The following MARK3 variants were observed in gnomAD, a reference collection of about 807,000 sequenced individuals.
MARK3 encodes the protein microtubule affinity regulating kinase 3.
Under a neutral mutation model 90.1 loss-of-function variants are expected in MARK3, and 46 were observed. That is an observed-to-expected ratio of 0.51 (90% confidence interval 0.40 to 0.65). The LOEUF (loss-of-function observed/expected upper bound fraction) is 0.65. Ranked by LOEUF, MARK3 falls within the 30% of genes least tolerant of loss-of-function variation. MARK3 has a pLI of 0.00. For missense variants in MARK3, 818 were observed against 947.2 expected (o/e 0.86, Z 1.79); for synonymous variants, 321 against 332.6 (o/e 0.97, Z 0.38).
At chr14:103,439,174 G>T (rs147530426) in intron 3 of MARK3, among the ~76,000 whole-genome samples, 6 of 152,140 alleles carry the variant, frequency 3.9e-5, no homozygotes, top group African/African-American at 1.4e-4. Flanking sequence ...TATATGAGAT[G>T]AGCACCCTTA....
intron 1 of MARK3, among the ~76,000 whole-genome samples, chr14:103,401,584 G>T (rs1354663321): frequency 6.6e-6 from 1 of 152,168 alleles, no homozygotes; most frequent in East Asian, 1.9e-4. Flanking sequence ...AAAACACAGG[G>T]CTGGAGAGTT....
chr14:103,420,941 A>G (rs916525096), intron 2 of MARK3, among the ~76,000 whole-genome samples: 1 of 151,756 alleles, frequency 6.6e-6, no homozygotes, highest in Non-Finnish European at 1.5e-5. Flanking sequence ...TGATTTTGCC[A>G]TTTAAAATGG....
At chr14:103,433,924 C>CGAAA (rs1328439712) in intron 3 of MARK3, among the ~76,000 whole-genome samples, 1 of 152,178 alleles carries the variant, frequency 6.6e-6, no homozygotes, top group Non-Finnish European at 1.5e-5. Flanking sequence ...CAGGCTTTCA[C>CGAAA]CTAGGTAAGA....
At chr14:103,432,914 T>G (rs72708874) in intron 3 of MARK3, among the ~76,000 whole-genome samples, 39,240 of 151,872 alleles carry the variant, frequency 0.26, 6,279 homozygotes, top group Middle Eastern at 0.44. Flanking sequence ...TTCCTTTTTT[T>G]TGTAAGGCAG....
chr14:103,470,394 A>C (rs1369530155), intron 12 of MARK3, among the ~76,000 whole-genome samples: 2 of 150,154 alleles, frequency 1.3e-5, no homozygotes, highest in African/African-American at 4.9e-5. Flanking sequence ...CATAACTATA[A>C]ATGTTAACAT....
intron 1 of MARK3, among the ~76,000 whole-genome samples, chr14:103,403,684 C>T (rs901383738): frequency 2.6e-5 from 4 of 152,214 alleles, no homozygotes; most frequent in Admixed American, 2.0e-4. Context: ...TGCATTACAA[C>T]AGCATGCATC....
intron 1 of MARK3, among the ~76,000 whole-genome samples, chr14:103,389,235 G>A (rs1373503737): frequency 6.6e-6 from 1 of 151,672 alleles, no homozygotes; most frequent in African/African-American, 2.4e-5. Context: ...GTGGTGGCAG[G>A]CACCTGTAGT....
chr14:103,457,730 T>A (rs1056426716), intron 6 of MARK3, among the ~76,000 whole-genome samples: 1 of 152,212 alleles, frequency 6.6e-6, no homozygotes, highest in African/African-American at 2.4e-5. Context: ...TTAATAATAA[T>A]TACTGTTATC....
chr14:103,405,183 C>T lies in MARK3; in HGVS notation c.159C>T (p.Ile53=), dbSNP rs765933874. 8.5e-5 allele frequency: 136 copies of T among 1,600,390 alleles called. No homozygotes were observed. The highest frequency in any genetic ancestry group is 9.9e-5 in the Non-Finnish European group (117 of 1,176,196). ...IASCADEQPH[I]GNYRLLKTIG... ...CCTGTGCAGATGAACAACCTCACAT[C>T]GGAAACTACAGACTGTTGAAAACAA... Residue 53 remains isoleucine, a synonymous_variant, in exon 2 of 18, where the codon ATC becomes ATT. Coordinates refer to ENST00000429436, the MANE Select transcript of MARK3 (RefSeq NM_001128918.3).
intron 3 of MARK3, among the ~76,000 whole-genome samples, chr14:103,440,935 T>TA (rs35047818): frequency 0.33 from 42,533 of 130,230 alleles, 7,400 homozygotes; most frequent in Admixed American, 0.43. Flanking sequence ...GAGCCCCTCT[T>TA]AAAAAAAAAA....
Position 103,485,696 on chromosome 14 carries a change from GCCTAT to G in MARK3, c.1586+5210_1586+5214del, listed in dbSNP as rs142749069. On this transcript the variant is annotated intron_variant, in intron 14 of 17. Transcript: ENST00000429436. The stretch of plus-strand genomic sequence containing the variant: ...GAGGTCATAGCAACAAATTCAAAGT[GCCTAT>G]CCTTTAGTAACCTTAAGTGGATTAA... 1.0e-3 allele frequency among the ~76,000 whole-genome samples: 156 copies of G among 152,160 alleles called. 5 individuals carry two copies. The East Asian group carries it at 0.026, about 25-fold the overall frequency.
chr14:103,473,668 A>G (rs1322167908), intron 12 of MARK3, among the ~76,000 whole-genome samples: 1 of 152,158 alleles, frequency 6.6e-6, no homozygotes, highest in African/African-American at 2.4e-5. Context: ...TAGGTTTGCC[A>G]TTTAGATTTT....
chr14:103,471,448 A>G (rs573119084), intron 12 of MARK3, among the ~76,000 whole-genome samples: 101 of 152,376 alleles, frequency 6.6e-4, no homozygotes, highest in African/African-American at 2.4e-3. Flanking sequence ...GGCAGAGCTC[A>G]GGCCTGCTGG....
intron 6 of MARK3, among the ~76,000 whole-genome samples, chr14:103,460,073 C>CTTTTTTTTTCTTTTTTTTTTTTTTTTTT (rs2093365176): frequency 2.4e-5 from 1 of 41,704 alleles, no homozygotes; most frequent in Non-Finnish European, 3.9e-5. Flanking sequence ...CCAGCTCCAT[C>CTTTTTTTTTCTTTTTTTTTTTTTTTTTT]TTTTTTTTTT....
rs868628780 is a variant in MARK3 at position 103,474,052 on chromosome 14, C to T, written c.1265-941C>T. Among the ~76,000 whole-genome samples the T allele has an allele frequency of 1.1e-3, 151 of 137,688 alleles. 7 individuals carry two copies. In the East Asian group the frequency reaches 0.028, roughly 25 times the overall value. The allele number at this position is 137,688 out of a possible 152,430, so 90.3% of individuals were successfully genotyped here. A position where few individuals can be genotyped will look rare whatever the true frequency, so the allele number is the denominator to read the frequency against. ...TCTACTAAAAAAAAAAAAATATATACAAAAAAAAAAAATTAGTTGGCATGC... is the reference window on the plus strand; with the variant it reads ...TCTACTAAAAAAAAAAAAATATATATAAAAAAAAAAAATTAGTTGGCATGC... On this transcript the variant is annotated intron_variant, in intron 12 of 17. Transcript: ENST00000429436.
chr14:103,401,763 C>CA (rs942338603), intron 1 of MARK3, among the ~76,000 whole-genome samples: 8 of 151,622 alleles, frequency 5.3e-5, no homozygotes, highest in South Asian at 2.1e-4. Flanking sequence ...GTATTGTCTA[C>CA]AAAAAAAAGT....
At chr14:103,486,998 G>C (rs1595906772) in intron 14 of MARK3, among the ~76,000 whole-genome samples, 1 of 151,902 alleles carries the variant, frequency 6.6e-6, no homozygotes, top group East Asian at 2.0e-4. Flanking sequence ...GCTCACTGCA[G>C]CTACCACCCC....
At chr14:103,486,035 A>G (rs879550817) in intron 14 of MARK3, among the ~76,000 whole-genome samples, 1 of 152,044 alleles carries the variant, frequency 6.6e-6, no homozygotes, top group Non-Finnish European at 1.5e-5. Context: ...TCACGCCACC[A>G]TGTAATCCCA....
At chr14:103,431,525 G>A (rs1482526356) in intron 3 of MARK3, among the ~76,000 whole-genome samples, 1 of 152,186 alleles carries the variant, frequency 6.6e-6, no homozygotes, top group African/African-American at 2.4e-5. Context: ...CAGCTTCTCA[G>A]GAGGCTGAGG....
Sources: allele counts gnomAD v4.1 joint callset (sites outside exome capture counted in the v4.1 genomes callset), GRCh38; gene constraint gnomAD v4.1.1; transcripts MANE v1.5; gene names NCBI Gene and HGNC (gene_info 2026-07-23, HGNC 2026-07-21).